Variants in ZSWIM6 observed in about 807,000 individuals in gnomAD.
The protein encoded by ZSWIM6 is zinc finger SWIM domain-containing protein 6.
A neutral mutation model predicts 113.2 loss-of-function variants in ZSWIM6; 9 were observed. The ratio of observed to expected loss-of-function variants is 0.08; its 90% CI spans 0.05 to 0.14. The LOEUF (loss-of-function observed/expected upper bound fraction) is 0.14. Ranked by LOEUF, ZSWIM6 falls within the 10% of genes least tolerant of loss-of-function variation. The pLI is 1.00. For synonymous variants in ZSWIM6, 611 were observed against 606.5 expected (o/e 1.01, Z -0.11); for missense variants, 1,162 against 1,552.2 (o/e 0.75, Z 4.22).
chr5:61,337,371 A>G (rs1466302991), intron 1 of ZSWIM6, among the ~76,000 whole-genome samples: 3 of 152,238 alleles, frequency 2.0e-5, no homozygotes, highest in Admixed American at 2.0e-4. Context: ...CTAAAAAGAC[A>G]ATACCCAGAA....
chr5:61,421,181 A>G (rs1746347907), intron 1 of ZSWIM6, among the ~76,000 whole-genome samples: 1 of 152,002 alleles, frequency 6.6e-6, no homozygotes, highest in Non-Finnish European at 1.5e-5. Flanking sequence ...TGGCCTCCCA[A>G]AGTGCTGGGA....
At chr5:61,495,418 C>T (rs539927996) in intron 4 of ZSWIM6, among the ~76,000 whole-genome samples, 11 of 152,252 alleles carry the variant, frequency 7.2e-5, no homozygotes, top group African/African-American at 2.6e-4. Context: ...GATGTGATAT[C>T]AGTATTTTCT....
chr5:61,464,947 A>G (rs548170985), intron 1 of ZSWIM6, among the ~76,000 whole-genome samples: 19 of 152,200 alleles, frequency 1.2e-4, no homozygotes, highest in Non-Finnish European at 2.5e-4. Context: ...GCACTTCAGA[A>G]TTTTGGGACC....
intron 1 of ZSWIM6, among the ~76,000 whole-genome samples, chr5:61,369,022 T>C (rs1037074677): frequency 2.0e-5 from 3 of 152,246 alleles, no homozygotes; most frequent in African/African-American, 7.2e-5. Context: ...AAGAAAGGTC[T>C]AGATACATTT....
chr5:61,424,592 G>A (rs1746425579), intron 1 of ZSWIM6, among the ~76,000 whole-genome samples: 1 of 152,190 alleles, frequency 6.6e-6, no homozygotes, highest in Non-Finnish European at 1.5e-5. Flanking sequence ...ACCTCGAAGA[G>A]CAAGCTTCAC....
In ZSWIM6 at chr5:61,538,437, T is replaced by G. The variant is rs142646732; in HGVS notation, c.2382-377T>G. ...CTATCAGTTTCTGTTGATTTATTTTTTGAGTCATAGAATTCAAAATTTGTA... is the reference window on the plus strand; with the variant it reads ...CTATCAGTTTCTGTTGATTTATTTTGTGAGTCATAGAATTCAAAATTTGTA... On this transcript the variant is annotated intron_variant, in intron 10 of 13. Transcript: ENST00000252744. 3.1e-3 allele frequency among the ~76,000 whole-genome samples: 475 copies of G among 152,362 alleles called. 7 individuals carry two copies. The highest frequency in any genetic ancestry group is 0.011 in the African/African-American group (455 of 41,584).
In ZSWIM6 at chr5:61,489,539, A is replaced by G. The variant is rs1748124658; in HGVS notation, c.1034-1247A>G. Among the ~76,000 whole-genome samples the G allele has an allele frequency of 2.0e-5, 3 of 152,088 alleles. No individual in the cohort carries two copies. In the South Asian group the frequency reaches 6.2e-4, roughly 31 times the overall value. On this transcript the variant is annotated intron_variant, in intron 2 of 13. Coordinates refer to ENST00000252744, the MANE Select transcript of ZSWIM6 (RefSeq NM_020928.2). Reference sequence around the variant, plus strand: ...AAATATTGAGCCTTTGCTTATAGTAAGGACACTTGCATCAAATTTTTGCAG... The same window carrying G: ...AAATATTGAGCCTTTGCTTATAGTAGGGACACTTGCATCAAATTTTTGCAG...
In ZSWIM6 at chr5:61,356,738, A is replaced by ATT. The variant is rs66476065; in HGVS notation, c.676+23791_676+23792dup. ...ATATATAACATAATATATAATATAT[A>ATT]TTATATATATATATTATATATAATA... On this transcript the variant is annotated intron_variant, in intron 1 of 13. Coordinates refer to ENST00000252744, the MANE Select transcript of ZSWIM6 (RefSeq NM_020928.2). Among the ~76,000 whole-genome samples, 17 of 137,232 alleles carry ATT rather than the reference A, an allele frequency of 1.2e-4. 2 individuals are homozygous for ATT. The highest frequency in any genetic ancestry group is 4.0e-4 in the African/African-American group (15 of 37,138). The allele number at this position is 137,232 out of a possible 152,430, so 90.0% of individuals were successfully genotyped here. A position where few individuals can be genotyped will look rare whatever the true frequency, so the allele number is the denominator to read the frequency against.
chr5:61,408,257 G>A (rs1746080950), intron 1 of ZSWIM6, among the ~76,000 whole-genome samples: 1 of 152,222 alleles, frequency 6.6e-6, no homozygotes, highest in African/African-American at 2.4e-5. Flanking sequence ...TACAAGAGAA[G>A]TAACAATTTA....
At chr5:61,509,716 G>A (rs1034032615) in intron 4 of ZSWIM6, among the ~76,000 whole-genome samples, 1 of 152,106 alleles carries the variant, frequency 6.6e-6, no homozygotes, top group East Asian at 1.9e-4. Flanking sequence ...CAAGGGAAAA[G>A]GAGAAATTGA....
intron 1 of ZSWIM6, among the ~76,000 whole-genome samples, chr5:61,452,185 C>G (rs1747098742): frequency 6.6e-6 from 1 of 152,114 alleles, no homozygotes; most frequent in African/African-American, 2.4e-5. Flanking sequence ...CCTTTATATA[C>G]TGTAACCTCC....
intron 10 of ZSWIM6, among the ~76,000 whole-genome samples, chr5:61,536,949 T>C (rs1046491246): frequency 2.0e-5 from 3 of 152,214 alleles, no homozygotes; most frequent in African/African-American, 7.2e-5. Flanking sequence ...GATTTTAAAA[T>C]AAGTGGGTTC....
chr5:61,334,479 TG>T lies in ZSWIM6; in HGVS notation c.676+1532del, dbSNP rs1165776068. Among the ~76,000 whole-genome samples, 5 of 152,360 alleles carry T rather than the reference TG, an allele frequency of 3.3e-5. No individual in the cohort carries two copies. In the East Asian group the frequency reaches 7.7e-4, roughly 23 times the overall value. ...GTTAACTTAATCCTTTTTCTCTTTCTGTAGTCAGTTCCTTTTATCCTTCTTT... is the reference window on the plus strand; with the variant it reads ...GTTAACTTAATCCTTTTTCTCTTTCTTAGTCAGTTCCTTTTATCCTTCTTT... On this transcript the variant is annotated intron_variant, in intron 1 of 13. Transcript: ENST00000252744.
chr5:61,425,223 T>G (rs771893357), intron 1 of ZSWIM6, among the ~76,000 whole-genome samples: 4 of 152,182 alleles, frequency 2.6e-5, no homozygotes, highest in Non-Finnish European at 4.4e-5. Context: ...GATAGACCAC[T>G]GAATATTAGT....
intron 4 of ZSWIM6, among the ~76,000 whole-genome samples, chr5:61,506,865 A>G (rs1463760043): frequency 6.6e-6 from 1 of 152,218 alleles, no homozygotes; most frequent in African/African-American, 2.4e-5. Flanking sequence ...TATGATAAAT[A>G]TTATGAATTG....
At position 61,492,284 on chromosome 5, in the gene ZSWIM6, A is replaced by G. The variant is rs556813949; in HGVS notation, c.1182+1350A>G. 2.7e-4 allele frequency among the ~76,000 whole-genome samples: 41 copies of G among 152,268 alleles called. 2 individuals carry two copies. The South Asian group carries it at 8.3e-3, about 31-fold the overall frequency. ...CACAGGAAGTATTTCATATATTCTT[A>G]TGTTAGAAACAGTTCAAAAGATGTA... On this transcript the variant is annotated intron_variant, in intron 3 of 13. Coordinates refer to ENST00000252744, the MANE Select transcript of ZSWIM6 (RefSeq NM_020928.2).
In ZSWIM6 at chr5:61,349,775, A is replaced by G. The variant is rs113866498; in HGVS notation, c.676+16827A>G. On this transcript the variant is annotated intron_variant, in intron 1 of 13. Coordinates refer to ENST00000252744, the MANE Select transcript of ZSWIM6 (RefSeq NM_020928.2). The stretch of plus-strand genomic sequence containing the variant: ...GTACTTTTGGGTTACCTAGAAAAAT[A>G]ATTTTGAATTATAAATGCCTTTGTG... Among the ~76,000 whole-genome samples, 32 of 152,298 alleles carry G rather than the reference A, an allele frequency of 2.1e-4. 2 individuals carry two copies. Among genetic ancestry groups the G allele is most frequent in the African/African-American group, 7.7e-4 (32 of 41,564 alleles).
intron 1 of ZSWIM6, among the ~76,000 whole-genome samples, chr5:61,374,371 A>G (rs978304047): frequency 1.3e-5 from 2 of 152,158 alleles, no homozygotes; most frequent in African/African-American, 2.4e-5. Context: ...TGGCGTTCAT[A>G]CATTTTTCAT....
intron 2 of ZSWIM6, among the ~76,000 whole-genome samples, chr5:61,482,361 G>T (rs899342221): frequency 2.0e-5 from 3 of 147,912 alleles, no homozygotes; most frequent in East Asian, 2.0e-4. Flanking sequence ...AGCGTGGGGG[G>T]TTAGGGGAGG....
Sources: gnomAD v4.1 joint callset for allele counts (sites outside exome capture counted in the v4.1 genomes callset) on GRCh38, gnomAD v4.1.1 for gene constraint, MANE v1.5 for transcripts, NCBI Gene and HGNC (gene_info 2026-07-23, HGNC 2026-07-21) for gene names.